The following RALGPS1 variants were observed in gnomAD, a reference collection of about 807,000 sequenced individuals.
RALGPS1 encodes the protein ras-specific guanine nucleotide-releasing factor RalGPS1.
A neutral mutation model predicts 78.8 loss-of-function variants in RALGPS1; 19 were observed. The observed-to-expected ratio is 0.24, with a 90% confidence interval of 0.17 to 0.35. The LOEUF (loss-of-function observed/expected upper bound fraction) is 0.35, where lower values mean the gene tolerates loss of function less well. Ranked by LOEUF, RALGPS1 falls within the 10% of genes least tolerant of loss-of-function variation. The probability of loss-of-function intolerance (pLI) is 1.00; values close to 1 mark genes in which losing one functional copy is unlikely to be tolerated. For missense variants in RALGPS1, 454 were observed against 688.3 expected (o/e 0.66, Z 3.81); for synonymous variants, 228 against 256.3 (o/e 0.89, Z 1.06).
chr9:126,925,620 A>C (rs1439436786), intron 1 of RALGPS1, among the ~76,000 whole-genome samples: 2 of 152,142 alleles, frequency 1.3e-5, no homozygotes, highest in Non-Finnish European at 2.9e-5. Flanking sequence ...CAGAAGGCTA[A>C]GGCAGGAAGA....
At chr9:127,200,193 T>C (rs966892282) in intron 14 of RALGPS1, among the ~76,000 whole-genome samples, 5 of 152,200 alleles carry the variant, frequency 3.3e-5, no homozygotes, top group Non-Finnish European at 5.9e-5. Flanking sequence ...CTGAAGCTTC[T>C]CTCCTTAGTC....
At position 127,118,349 on chromosome 9, in the gene RALGPS1, C is replaced by T. The variant is rs12686113; in HGVS notation, c.611-47720C>T. Among the ~76,000 whole-genome samples, 47 of 152,330 alleles carry T rather than the reference C, an allele frequency of 3.1e-4. No individual in the cohort carries two copies. In the East Asian group the frequency reaches 8.3e-3, roughly 27 times the overall value. Reference sequence around the variant, plus strand: ...ACTACCCCCAGAATGAGGCTTCTGACGTGACCAGTGTATCACCACAAACTC... The same window carrying T: ...ACTACCCCCAGAATGAGGCTTCTGATGTGACCAGTGTATCACCACAAACTC... On this transcript the variant is annotated intron_variant, in intron 8 of 18. Transcript: ENST00000259351.
At chr9:126,916,670 T>C (rs1215897937) in intron 1 of RALGPS1, among the ~76,000 whole-genome samples, 2 of 152,130 alleles carry the variant, frequency 1.3e-5, no homozygotes, top group Non-Finnish European at 2.9e-5. Context: ...TAATCTCAGC[T>C]ACTCAGGAGG....
intron 3 of RALGPS1, among the ~76,000 whole-genome samples, chr9:126,974,945 C>T (rs1484793204): frequency 2.1e-5 from 3 of 145,272 alleles, no homozygotes; most frequent in African/African-American, 7.3e-5. Context: ...ACCTCTTACC[C>T]CAACCCCTAC....
intron 4 of RALGPS1, among the ~76,000 whole-genome samples, chr9:127,011,070 G>A (rs1282381377): frequency 6.6e-6 from 1 of 152,090 alleles, no homozygotes; most frequent in Non-Finnish European, 1.5e-5. Context: ...GGTGATCATA[G>A]CAGTGTGGCC....
intron 7 of RALGPS1, among the ~76,000 whole-genome samples, chr9:127,063,916 T>G (rs2135709249): frequency 6.6e-6 from 1 of 152,366 alleles, no homozygotes; most frequent in East Asian, 1.9e-4. Flanking sequence ...ATTTTTCTCA[T>G]TATTCTTTTA....
At chr9:127,175,835 A>G (rs1259186122) in intron 11 of RALGPS1, among the ~76,000 whole-genome samples, 4 of 152,104 alleles carry the variant, frequency 2.6e-5, no homozygotes, top group Non-Finnish European at 1.5e-5. Context: ...ACAAGCTGCT[A>G]CGTGGTGCCA....
intron 10 of RALGPS1, among the ~76,000 whole-genome samples, chr9:127,174,390 A>G (rs1564719650): frequency 6.6e-6 from 1 of 152,328 alleles, no homozygotes; most frequent in East Asian, 1.9e-4. Flanking sequence ...CTACTCTGCC[A>G]CTTGCTAATC....
intron 13 of RALGPS1, among the ~76,000 whole-genome samples, chr9:127,198,427 G>A (rs1186031956): frequency 6.6e-6 from 1 of 152,226 alleles, no homozygotes; most frequent in Non-Finnish European, 1.5e-5. Context: ...AGGGCTTAGA[G>A]AGCCCGGGAG....
rs902469083 is a variant in RALGPS1, at chr9:127,219,074, G to A, written c.*305G>A. 6.5e-6 allele frequency: 3 copies of A among 463,654 alleles called. No homozygotes were observed. Among genetic ancestry groups the A allele is most frequent in the Non-Finnish European group, 8.0e-6 (2 of 250,758 alleles). The allele number at this position is 463,654 out of a possible 1,614,324, so 28.7% of individuals were successfully genotyped here. ...TGCGACTAGAGAGCACCCGGCCCAC[G>A]TTGGGTTCTCAGTGCTTTCTACTGC... is the stretch of plus-strand genomic sequence containing the variant. On this transcript the variant is annotated 3_prime_UTR_variant, in exon 19 of 19. Transcript: ENST00000259351. This position sits in a 1 kb window ranked among gnomAD's most constrained non-coding sequence, Gnocchi z 5.0.
intron 3 of RALGPS1, among the ~76,000 whole-genome samples, chr9:126,967,868 C>T (rs998542814): frequency 6.6e-6 from 1 of 152,156 alleles, no homozygotes; most frequent in Non-Finnish European, 1.5e-5. Flanking sequence ...TTGCATATCT[C>T]TTCCACTGGA....
chr9:127,194,202 G>A (rs1030464164), intron 11 of RALGPS1, among the ~76,000 whole-genome samples: 3 of 152,238 alleles, frequency 2.0e-5, no homozygotes, highest in African/African-American at 7.2e-5. Flanking sequence ...TGCAAGGTGA[G>A]TTGAATTATT....
intron 8 of RALGPS1, among the ~76,000 whole-genome samples, chr9:127,125,306 G>A (rs1416662777): frequency 6.6e-6 from 1 of 152,206 alleles, no homozygotes; most frequent in African/African-American, 2.4e-5. Flanking sequence ...GCCATGTAGC[G>A]CCCTCCTTTC....
At chr9:127,042,743 T>C (rs2047426676) in intron 5 of RALGPS1, among the ~76,000 whole-genome samples, 1 of 152,144 alleles carries the variant, frequency 6.6e-6, no homozygotes, top group Non-Finnish European at 1.5e-5. Flanking sequence ...CCTTTATACA[T>C]AGGTGACGTG....
intron 1 of RALGPS1, among the ~76,000 whole-genome samples, chr9:126,960,350 C>T (rs1179651404): frequency 6.6e-6 from 1 of 151,566 alleles, no homozygotes; most frequent in African/African-American, 2.4e-5. Flanking sequence ...TCTCTTGCCT[C>T]AGCTTCCCAA....
chr9:127,175,251 T>C (rs940161151), intron 11 of RALGPS1, among the ~76,000 whole-genome samples: 2 of 152,346 alleles, frequency 1.3e-5, no homozygotes, highest in South Asian at 2.1e-4. Context: ...CCCTAGTGAT[T>C]TGAGCCCAGG....
chr9:127,021,628 T>TTC (rs1042713228), intron 4 of RALGPS1, among the ~76,000 whole-genome samples: 6 of 52,630 alleles, frequency 1.1e-4, no homozygotes, highest in Non-Finnish European at 3.9e-4. Context: ...CTTCTTCTTC[T>TTC]TTTTTTTTTT....
At chr9:127,198,242 TACTC>T (rs1162893855) in intron 13 of RALGPS1, among the ~76,000 whole-genome samples, 1 of 152,186 alleles carries the variant, frequency 6.6e-6, no homozygotes, top group East Asian at 1.9e-4. Flanking sequence ...TGAGGGCTGT[TACTC>T]AGACAGATGC....
intron 8 of RALGPS1, among the ~76,000 whole-genome samples, chr9:127,071,039 C>CTA (rs750189739): frequency 0.029 from 4,319 of 147,352 alleles, 67 homozygotes; most frequent in African/African-American, 0.04. Flanking sequence ...CTCTCTCTCT[C>CTA]TATATATATA....
Sources: allele counts gnomAD v4.1 joint callset (sites outside exome capture counted in the v4.1 genomes callset), GRCh38; gene constraint gnomAD v4.1.1; non-coding constraint Gnocchi (gnomAD v3.1); transcripts MANE v1.5; gene names NCBI Gene and HGNC (gene_info 2026-07-23, HGNC 2026-07-21).